The following RPS24 variants were observed in gnomAD, a reference collection of about 807,000 sequenced individuals.
The protein encoded by RPS24 is ribosomal protein S24.
For synonymous variants in RPS24, 72 were observed against 55.6 expected (o/e 1.30, Z -1.31); for missense variants, 100 against 162.5 (o/e 0.62, Z 2.09).
intron 3 of RPS24, 86 bp from the exon 4 acceptor site, chr10:78,037,108 T>C (rs1475737741): frequency 6.6e-7 from 1 of 1,514,154 alleles, no homozygotes; most frequent in East Asian, 2.4e-5. Context: ...TTTCTTAAGC[T>C]CAGACTGGGT....
In RPS24 at chr10:78,035,500, T is replaced by A. The variant is rs774058094; in HGVS notation, c.70-11T>A. 4.3e-6 allele frequency: 7 copies of A among 1,613,838 alleles called. No homozygotes were observed. The highest frequency in any genetic ancestry group is 1.7e-6 in the Non-Finnish European group (2 of 1,179,830). On this transcript the variant is annotated splice_polypyrimidine_tract_variant and intron_variant, in intron 2 of 5. Coordinates refer to ENST00000372360, the MANE Select transcript of RPS24 (RefSeq NM_033022.4). ...ATCATACTGAATGCTAAACTTGATA[T>A]CTCCTTTTAGGTCATTGATGTCCTT...
At chr10:78,054,556 A>G in exon 5 of RPS24, 1 of 1,545,856 alleles carries the variant, frequency 6.5e-7, no homozygotes, top group Non-Finnish European at 8.8e-7. Context: ...CTTGGAGTGC[A>G]AGCATTGGGA....
rs781464836 is a variant in RPS24, at chr10:78,035,599, A to G, written c.158A>G (p.Asp53Gly). The G allele has an allele frequency of 4.3e-6, 7 of 1,613,438 alleles. No individual in the cohort carries two copies. The highest frequency in any genetic ancestry group is 8.5e-7 in the Non-Finnish European group (1 of 1,180,024). Residue 53 changes from aspartate to glycine, a missense_variant, in exon 3 of 6, where the codon GAT becomes GGT. Coordinates refer to ENST00000372360, the MANE Select transcript of RPS24 (RefSeq NM_033022.4). ...KLAKMYKTTP[D>G]VIFVFGFRTH... ...GCCAAAATGTACAAGACCACACCGG[A>G]TGTCATCTTTGTATTTGGATTCAGA...
exon 5 of RPS24, chr10:78,055,276 G>T: frequency 2.6e-6 from 1 of 387,776 alleles, no homozygotes; most frequent in Admixed American, 4.5e-5. Context: ...TTCCTTCCTA[G>T]TTTTAATTTT....
intron 4 of RPS24, among the ~76,000 whole-genome samples, chr10:78,047,718 C>T (rs985338126): frequency 3.3e-5 from 5 of 152,214 alleles, no homozygotes. Context: ...CTCTGCAGAT[C>T]CTGTGCAAAC....
chr10:78,047,174 C>T (rs957692772), intron 4 of RPS24, among the ~76,000 whole-genome samples: 12 of 150,940 alleles, frequency 8.0e-5, no homozygotes, highest in African/African-American at 2.7e-4. Context: ...CCATGTTGGT[C>T]TGGCTGGTCT....
chr10:78,038,407 C>G (rs755565814), intron 4 of RPS24: 1 of 153,702 alleles, frequency 6.5e-6, no homozygotes, highest in East Asian at 1.9e-4. Flanking sequence ...ATGAAACCAG[C>G]CTGGCAGCAC....
chr10:78,038,063 G>A, intron 4 of RPS24: 1 of 879,984 alleles, frequency 1.1e-6, no homozygotes. Context: ...GTTGGCCTTT[G>A]GACGACAGTT....
At position 78,046,586 on chromosome 10, in the gene RPS24, C is replaced by T. The variant is rs192812314; in HGVS notation, c.391-7945C>T. 2.0e-5 allele frequency among the ~76,000 whole-genome samples: 3 copies of T among 152,070 alleles called. No homozygotes were observed. In the East Asian group the frequency reaches 5.8e-4, roughly 29 times the overall value. ...GCCAGGCTGGTCTTGAACTCCAGAC[C>T]TCAGGTGACCCACCTGCCTCAGCCT... On this transcript the variant is annotated intron_variant, in intron 4 of 4. Transcript: ENST00000440692.
downstream of RPS24, among the ~76,000 whole-genome samples, chr10:78,043,088 C>G (rs542423602): frequency 1.1e-4 from 16 of 152,276 alleles, no homozygotes; most frequent in East Asian, 1.4e-3. Flanking sequence ...ACTGCAAGCT[C>G]TGCCTCACGG....
intron 3 of RPS24, among the ~76,000 whole-genome samples, chr10:78,036,851 A>G (rs1456794272): frequency 6.6e-6 from 1 of 152,080 alleles, no homozygotes; most frequent in Non-Finnish European, 1.5e-5. Flanking sequence ...TTGAAATGGG[A>G]AGAGATCCCC....
At position 78,035,562 on chromosome 10, in the gene RPS24, C is replaced by A; in HGVS notation, c.121C>A (p.Arg41=). 6.2e-7 allele frequency: 1 copy of A among 1,614,028 alleles called. No homozygotes were observed. Among genetic ancestry groups the A allele is most frequent in the South Asian group, 1.1e-5 (1 of 91,068 alleles). The change falls in exon 3 of 6, where the codon CGG becomes AGG. Residue 41 remains arginine, a synonymous_variant. Transcript: ENST00000372360. ...GKATVPKTEI[R]EKLAKMYKTT... ...GGCGACAGTGCCTAAGACAGAAATTCGGGAAAAACTAGCCAAAATGTACAA... is the reference window on the plus strand; with the variant it reads ...GGCGACAGTGCCTAAGACAGAAATTAGGGAAAAACTAGCCAAAATGTACAA...
intron 5 of RPS24, 83 bp downstream of exon 5, chr10:78,040,308 T>C: frequency 4.5e-6 from 5 of 1,101,390 alleles, no homozygotes; most frequent in African/African-American, 1.5e-5. Context: ...GCAGATCATG[T>C]GTAGTACATC....
At chr10:78,053,205 GAA>G (rs1391752389) in intron 4 of RPS24, among the ~76,000 whole-genome samples, 1 of 148,358 alleles carries the variant, frequency 6.7e-6, no homozygotes, top group South Asian at 2.2e-4. Flanking sequence ...AAAAAGAAAA[GAA>G]AAAAACCTCG....
At chr10:78,037,473 TGTC>T (rs1193906275) in intron 4 of RPS24, 169 bp downstream of exon 4, 1 of 1,138,114 alleles carries the variant, frequency 8.8e-7, no homozygotes, top group Non-Finnish European at 1.2e-6. Context: ...TGTAGCATAG[TGTC>T]TTAACACCTC....
intron 4 of RPS24, among the ~76,000 whole-genome samples, chr10:78,050,698 A>G (rs944636318): frequency 2.0e-5 from 3 of 152,042 alleles, no homozygotes; most frequent in Non-Finnish European, 2.9e-5. Context: ...GCATCCTCGA[A>G]CTCCTAGGCT....
intron 4 of RPS24, 103 bp from the exon 5 acceptor site, chr10:78,040,101 G>A: frequency 9.6e-7 from 1 of 1,036,518 alleles, no homozygotes; most frequent in Non-Finnish European, 1.5e-6. Flanking sequence ...GTACCTGATT[G>A]CATGCACTTA....
chr10:78,050,693 C>T (rs1186654958), intron 4 of RPS24, among the ~76,000 whole-genome samples: 1 of 152,198 alleles, frequency 6.6e-6, no homozygotes. Flanking sequence ...TCGTTGCATC[C>T]TCGAACTCCT....
intron 4 of RPS24, among the ~76,000 whole-genome samples, chr10:78,048,720 C>CA (rs1182533334): frequency 1.6e-4 from 25 of 151,864 alleles, no homozygotes; most frequent in Non-Finnish European, 3.2e-4. Context: ...ACTAAAAACA[C>CA]AAAAATTAGC....
Sources: allele counts gnomAD v4.1 joint callset (sites outside exome capture counted in the v4.1 genomes callset), GRCh38; gene constraint gnomAD v4.1.1; transcripts MANE v1.5; gene names NCBI Gene and HGNC (gene_info 2026-07-23, HGNC 2026-07-21).